The following KIAA0319L variants were observed in gnomAD, a reference collection of about 807,000 sequenced individuals.
The protein encoded by KIAA0319L is KIAA0319 like.
KIAA0319L carries 55 observed loss-of-function variants against 120.1 expected under a neutral mutation model. The observed-to-expected ratio is 0.46, with a 90% CI of 0.37 to 0.57. The LOEUF (loss-of-function observed/expected upper bound fraction) is 0.57. Ranked by LOEUF, KIAA0319L falls within the 20% of genes least tolerant of loss-of-function variation. The pLI is 0.00. For synonymous variants in KIAA0319L, 398 were observed against 471.9 expected (o/e 0.84, Z 2.03); for missense variants, 1,049 against 1,255.3 (o/e 0.84, Z 2.48).
intron 1 of KIAA0319L, among the ~76,000 whole-genome samples, chr1:35,555,648 C>CT (rs1647873049): frequency 6.6e-6 from 1 of 152,096 alleles, no homozygotes; most frequent in African/African-American, 2.4e-5. Context: ...GAAATGGAGC[C>CT]TAAGTTAGAA....
intron 10 of KIAA0319L, 114 bp downstream of exon 10, chr1:35,455,896 TACC>T: frequency 2.5e-6 from 2 of 790,084 alleles, no homozygotes; most frequent in South Asian, 3.5e-5. Context: ...AGATTTTTGC[TACC>T]ACGTTAATCA....
intron 2 of KIAA0319L, among the ~76,000 whole-genome samples, chr1:35,518,018 A>C (rs1244466842): frequency 6.6e-6 from 1 of 152,244 alleles, no homozygotes; most frequent in South Asian, 2.1e-4. Context: ...CCACAATGAG[A>C]TACTATCTCA....
At chr1:35,537,427 G>C (rs1171335599) in intron 2 of KIAA0319L, among the ~76,000 whole-genome samples, 1 of 133,038 alleles carries the variant, frequency 7.5e-6, no homozygotes, top group African/African-American at 2.9e-5. Flanking sequence ...TGTTTTTAAA[G>C]AGAAGGTCAT....
rs558493475 is a variant in KIAA0319L at position 35,441,695 on chromosome 1, A to C, written c.2870+551T>G. On this transcript the variant is annotated intron_variant, in intron 19 of 20. Coordinates refer to ENST00000325722, the MANE Select transcript of KIAA0319L (RefSeq NM_024874.5). Reference sequence around the variant, plus strand: ...CTATAAAAATATTATGGCACACAGTATACACAGAAATAATATTATTAATAA... The same window carrying C: ...CTATAAAAATATTATGGCACACAGTCTACACAGAAATAATATTATTAATAA... Among the ~76,000 whole-genome samples the C allele has an allele frequency of 2.0e-5, 3 of 152,256 alleles. No homozygotes were observed. The East Asian group carries it at 5.8e-4, about 29-fold the overall frequency.
intron 9 of KIAA0319L, among the ~76,000 whole-genome samples, chr1:35,457,432 A>G: frequency 6.6e-6 from 1 of 151,296 alleles, no homozygotes; most frequent in South Asian, 2.1e-4. Context: ...CAGGAGCTTG[A>G]GATGAAAATG....
At chr1:35,549,673 T>C (rs1448630087) in intron 2 of KIAA0319L, among the ~76,000 whole-genome samples, 7 of 152,208 alleles carry the variant, frequency 4.6e-5, no homozygotes, top group Admixed American at 3.9e-4. Flanking sequence ...TCTTCAGATG[T>C]ATACATTCTT....
intron 3 of KIAA0319L, among the ~76,000 whole-genome samples, chr1:35,490,814 T>C (rs558992418): frequency 3.3e-5 from 5 of 152,354 alleles, no homozygotes; most frequent in Admixed American, 6.5e-5. Context: ...GACTGGATCA[T>C]GAAGGTGGAT....
At chr1:35,523,935 G>A (rs1012842561) in intron 2 of KIAA0319L, among the ~76,000 whole-genome samples, 5 of 152,180 alleles carry the variant, frequency 3.3e-5, no homozygotes, top group African/African-American at 1.2e-4. Context: ...AAGTGCAAGT[G>A]AGTCAAAAAG....
chr1:35,522,000 G>A (rs1645940981), intron 2 of KIAA0319L, among the ~76,000 whole-genome samples: 1 of 151,730 alleles, frequency 6.6e-6, no homozygotes, highest in African/African-American at 2.4e-5. Flanking sequence ...AATAAATAAA[G>A]AAGGAAGGAA....
At chr1:35,438,977 C>T (rs1641004283) in intron 20 of KIAA0319L, 3 of 152,424 alleles carry the variant, frequency 2.0e-5, no homozygotes, top group Non-Finnish European at 4.4e-5. Context: ...CACCACTGCA[C>T]TCCTGCCTGG....
At chr1:35,488,039 A>G (rs1165418666) in intron 3 of KIAA0319L, among the ~76,000 whole-genome samples, 1 of 152,194 alleles carries the variant, frequency 6.6e-6, no homozygotes, top group Non-Finnish European at 1.5e-5. Context: ...CCACCATAAG[A>G]AAGTAAGGCT....
chr1:35,461,004 G>GGTAAC (rs1642852775), intron 8 of KIAA0319L, among the ~76,000 whole-genome samples: 1 of 152,028 alleles, frequency 6.6e-6, no homozygotes, highest in Non-Finnish European at 1.5e-5. Flanking sequence ...GATTATTCAT[G>GGTAAC]GTAACATTGT....
intron 2 of KIAA0319L, among the ~76,000 whole-genome samples, chr1:35,536,874 T>TAA (rs67994036): frequency 7.1e-6 from 1 of 140,122 alleles, no homozygotes. Context: ...GCTATGCACT[T>TAA]AAAAAAAAAA....
At chr1:35,539,952 C>T (rs927386037) in intron 2 of KIAA0319L, among the ~76,000 whole-genome samples, 2 of 152,222 alleles carry the variant, frequency 1.3e-5, no homozygotes, top group Non-Finnish European at 2.9e-5. Context: ...TAATATTAGT[C>T]ATTCCCCTTA....
At position 35,554,512 on chromosome 1, in the gene KIAA0319L, C is replaced by A; in HGVS notation, c.-21G>T. On this transcript the variant is annotated 5_prime_UTR_variant, in exon 2 of 21. Transcript: ENST00000325722. The stretch of plus-strand genomic sequence containing the variant: ...TCCATGGCCCTCCAGACAGGCAGAA[C>A]CAGTACACTAGAAGGACAGAAAGAG... 1 of 1,575,370 alleles carries A rather than the reference C, an allele frequency of 6.3e-7. No homozygotes were observed. The highest frequency in any genetic ancestry group is 2.3e-5 in the East Asian group (1 of 44,256).
chr1:35,504,343 C>T (rs78548217), intron 3 of KIAA0319L, among the ~76,000 whole-genome samples: 2 of 152,020 alleles, frequency 1.3e-5, no homozygotes, highest in Non-Finnish European at 2.9e-5. Context: ...ACTACAGGCG[C>T]CTGCCACCAC....
chr1:35,491,909 T>A (rs750718066), intron 3 of KIAA0319L, among the ~76,000 whole-genome samples: 1 of 152,222 alleles, frequency 6.6e-6, no homozygotes, highest in Non-Finnish European at 1.5e-5. Flanking sequence ...ATGAAATGCA[T>A]AAATTCCTTG....
chr1:35,532,167 A>G (rs531524744), intron 2 of KIAA0319L, among the ~76,000 whole-genome samples: 1 of 151,548 alleles, frequency 6.6e-6, no homozygotes, highest in Non-Finnish European at 1.5e-5. Context: ...CATTGAACAC[A>G]GGAGGCAGAG....
chr1:35,455,141 T>C (rs1420742565), intron 10 of KIAA0319L, among the ~76,000 whole-genome samples: 2 of 152,258 alleles, frequency 1.3e-5, no homozygotes, highest in Non-Finnish European at 2.9e-5. Context: ...TAGTAGCCCA[T>C]GGGCTGAATC....
Sources: gnomAD v4.1 joint callset for allele counts (sites outside exome capture counted in the v4.1 genomes callset) on GRCh38, gnomAD v4.1.1 for gene constraint, MANE v1.5 for transcripts, NCBI Gene and HGNC (gene_info 2026-07-23, HGNC 2026-07-21) for gene names.